The following STARD13 variants were observed in gnomAD, a reference collection of about 807,000 sequenced individuals.
STARD13 encodes the protein StAR related lipid transfer domain containing 13.
STARD13 carries 62 observed loss-of-function variants against 106.4 expected under a neutral mutation model. The observed-to-expected ratio is 0.58, with a 90% confidence interval of 0.48 to 0.72. The LOEUF (loss-of-function observed/expected upper bound fraction) is 0.72. Among genes scored for constraint, STARD13 ranks in the 30% least tolerant of loss-of-function variants. The pLI, the probability that STARD13 is intolerant of heterozygous loss-of-function variation, is 0.00. For missense variants in STARD13, 1,387 were observed against 1,424.0 expected, an observed-to-expected ratio of 0.97 and a Z score of 0.42; for synonymous variants, 565 against 553.0, an observed-to-expected ratio of 1.02 and a Z score of -0.31.
At chr13:33,361,789 G>A in the STARD13 span, among the ~76,000 whole-genome samples, 50 of 152,210 alleles carry the variant, frequency 3.3e-4, 1 homozygote, top group Middle Eastern at 6.8e-3. Context: ...AGAACAGCAA[G>A]GGGGAAATCC....
At chr13:33,350,297 C>A (rs2078063115) in exon 1 of STARD13, 1 of 1,531,320 alleles carries the variant, frequency 6.5e-7, no homozygotes, top group Admixed American at 2.0e-5. Flanking sequence ...GACCTGCCAG[C>A]CGCCTCTCCC....
the STARD13 span, among the ~76,000 whole-genome samples, chr13:33,614,915 T>G: frequency 2.0e-5 from 3 of 152,074 alleles, no homozygotes; most frequent in Admixed American, 2.0e-4. Context: ...GACCAACCAG[T>G]AGGATTTCAT....
chr13:33,599,048 T>A, the STARD13 span, among the ~76,000 whole-genome samples: 1 of 152,092 alleles, frequency 6.6e-6, no homozygotes, highest in African/African-American at 2.4e-5. Flanking sequence ...AGTTTCAATT[T>A]AAAAAAAATT....
At chr13:33,537,060 AT>A in the STARD13 span, among the ~76,000 whole-genome samples, 352 of 152,364 alleles carry the variant, frequency 2.3e-3, no homozygotes, top group African/African-American at 8.2e-3. Context: ...CAATTTCAGG[AT>A]TCATTAAATA....
At chr13:33,373,999 T>A in the STARD13 span, among the ~76,000 whole-genome samples, 1 of 151,106 alleles carries the variant, frequency 6.6e-6, no homozygotes, top group South Asian at 2.1e-4. Context: ...TATCCATAAC[T>A]GCATTATGCA....
At chr13:33,241,594 G>A (rs181343412) in intron 1 of STARD13, among the ~76,000 whole-genome samples, 29 of 121,424 alleles carry the variant, frequency 2.4e-4, no homozygotes, top group Non-Finnish European at 4.4e-4. Context: ...ATGCCGAGCC[G>A]AGGCTGGACC....
intron 1 of STARD13, among the ~76,000 whole-genome samples, chr13:33,176,352 C>G (rs576423340): frequency 2.3e-4 from 35 of 152,236 alleles, no homozygotes; most frequent in African/African-American, 8.4e-4. Flanking sequence ...TTTCTGGAAC[C>G]CTTTCTACTT....
At position 33,301,568 on chromosome 13, in the gene STARD13, C is replaced by CTT. The variant is rs11393186; in HGVS notation, c.124+48720_124+48721dup. 7.6e-3 allele frequency among the ~76,000 whole-genome samples: 544 copies of CTT among 71,996 alleles called. 9 individuals carry two copies. Among genetic ancestry groups the CTT allele is most frequent in the African/African-American group, 0.016 (325 of 20,640 alleles). 47.2% of individuals were successfully genotyped at this position (71,996 alleles called of 152,430 possible). On this transcript the variant is annotated intron_variant, in intron 1 of 5. Coordinates refer to the STARD13 transcript ENST00000567873. ...CTTGAGTTTCTTTTTCTTTTTTTTT[C>CTT]TTTTTTTTTTTTTTTTTGAGACGGA...
intron 1 of STARD13, among the ~76,000 whole-genome samples, chr13:33,200,422 T>C (rs1886934447): frequency 6.6e-6 from 1 of 152,166 alleles, no homozygotes; most frequent in African/African-American, 2.4e-5. Flanking sequence ...TTCCAAAGCG[T>C]CACCAACAAC....
the STARD13 span, among the ~76,000 whole-genome samples, chr13:33,414,032 C>T: frequency 2.1e-5 from 1 of 48,184 alleles, no homozygotes; most frequent in Non-Finnish European, 4.0e-5. Flanking sequence ...GATTCCCTCT[C>T]AAAAAAAAAA....
chr13:33,402,455 A>G, the STARD13 span, among the ~76,000 whole-genome samples: 1 of 152,258 alleles, frequency 6.6e-6, no homozygotes, highest in Non-Finnish European at 1.5e-5. Flanking sequence ...TTGGTGATGA[A>G]TGGACAGGAG....
In STARD13 at chr13:33,110,673, C is replaced by G. The variant is rs763774853; in HGVS notation, c.2829+13G>C. ...CTTTCTGGGGGTGATCTTTTTCCAT[C>G]CTCTGAGATTACCTTTTTGAAAGCA... On this transcript the variant is annotated intron_variant, in intron 11 of 13. Coordinates refer to ENST00000336934, the MANE Select transcript of STARD13 (RefSeq NM_178006.4). 3 of 1,608,354 alleles carry G rather than the reference C, an allele frequency of 1.9e-6. No homozygotes were observed. Among genetic ancestry groups the G allele is most frequent in the Non-Finnish European group, 2.6e-6 (3 of 1,174,892 alleles).
intron 1 of STARD13, among the ~76,000 whole-genome samples, chr13:33,297,024 T>C (rs1049837797): frequency 5.3e-5 from 8 of 152,258 alleles, no homozygotes; most frequent in African/African-American, 1.7e-4. Context: ...TTCATTTATT[T>C]TTGTGCCTGT....
At chr13:33,118,734 G>C (rs978177174) in intron 7 of STARD13, among the ~76,000 whole-genome samples, 1 of 152,178 alleles carries the variant, frequency 6.6e-6, no homozygotes, top group Non-Finnish European at 1.5e-5. Context: ...AATGTGGGTC[G>C]TGGATGAAAG....
the STARD13 span, among the ~76,000 whole-genome samples, chr13:33,556,685 T>TC: frequency 6.6e-6 from 1 of 152,230 alleles, no homozygotes; most frequent in South Asian, 2.1e-4. Flanking sequence ...CCAACTTCTC[T>TC]CACATGTTTA....
At chr13:33,257,629 T>C (rs1304456327) in intron 1 of STARD13, among the ~76,000 whole-genome samples, 3 of 152,184 alleles carry the variant, frequency 2.0e-5, no homozygotes, top group Non-Finnish European at 4.4e-5. Flanking sequence ...AAAGGATTTG[T>C]AAGCAATTTC....
At chr13:33,555,192 CCT>C in the STARD13 span, among the ~76,000 whole-genome samples, 1 of 152,112 alleles carries the variant, frequency 6.6e-6, no homozygotes, top group Admixed American at 6.5e-5. Flanking sequence ...TGTTAGGTGC[CCT>C]CTCAATCCAT....
At chr13:33,197,934 G>A (rs997493179) in intron 1 of STARD13, among the ~76,000 whole-genome samples, 2 of 152,192 alleles carry the variant, frequency 1.3e-5, no homozygotes, top group Non-Finnish European at 2.9e-5. Context: ...ACTTTAGGAG[G>A]CCGAGATGGG....
the STARD13 span, among the ~76,000 whole-genome samples, chr13:33,382,535 A>T: frequency 6.6e-6 from 1 of 152,164 alleles, no homozygotes. Flanking sequence ...CTATGAAGGG[A>T]GGGACCCTGA....
Sources: gnomAD v4.1 joint callset for allele counts (sites outside exome capture counted in the v4.1 genomes callset) on GRCh38, gnomAD v4.1.1 for gene constraint, MANE v1.5 for transcripts, NCBI Gene and HGNC (gene_info 2026-07-23, HGNC 2026-07-21) for gene names.